Variants in UBE2V1 observed in about 807,000 individuals in gnomAD.
The protein encoded by UBE2V1 is ubiquitin conjugating enzyme E2 V1.
A neutral mutation model predicts 19.6 loss-of-function variants in UBE2V1; 15 were observed. The observed-to-expected ratio is 0.77, with a 90% CI of 0.51 to 1.18. UBE2V1 has a LOEUF of 1.18. UBE2V1 is among the 50% of genes most tolerant of loss of function. The pLI is 0.00. For missense variants in UBE2V1, 125 were observed against 184.8 expected (o/e 0.68, Z 1.88); for synonymous variants, 60 against 60.7 (o/e 0.99, Z 0.05).
upstream of UBE2V1, chr20:50,113,197 G>T: frequency 1.7e-6 from 2 of 1,207,746 alleles, no homozygotes; most frequent in Non-Finnish European, 1.1e-6. Context: ...CGGCCCTGAT[G>T]CGCAGGCGCG....
chr20:50,092,465 CG>C (rs1291930905), intron 2 of UBE2V1, among the ~76,000 whole-genome samples: 1 of 152,078 alleles, frequency 6.6e-6, no homozygotes, highest in Non-Finnish European at 1.5e-5. Context: ...GCAATGGAGA[CG>C]GGGGTACTGC....
chr20:50,111,272 A>AT (rs2080733997), intron 1 of UBE2V1: 1 of 986,562 alleles, frequency 1.0e-6, no homozygotes, highest in Admixed American at 6.1e-5. Flanking sequence ...CACCATAGCC[A>AT]TTTATGAAGC....
Position 50,082,857 on chromosome 20 carries a change from C to T in UBE2V1, c.355G>A (p.Val119Ile). ...AGGCGCCGAAGCTCTTGCAGGACAACTTTGATGCTATATGAATTCTGCCAT... is the reference window on the plus strand; with the variant it reads ...AGGCGCCGAAGCTCTTGCAGGACAATTTTGATGCTATATGAATTCTGCCAT... Reference protein sequence around the residue: ...AKWQNSYSIKVVLQELRRLMM... With the variant: ...AKWQNSYSIKIVLQELRRLMM... Residue 119 changes from valine to isoleucine, a missense_variant, in exon 4 of 4, where the codon GTT becomes ATT. Transcript: ENST00000371674. 1 of 1,612,988 alleles carries T rather than the reference C, an allele frequency of 6.2e-7. No individual in the cohort carries two copies. Among genetic ancestry groups the T allele is most frequent in the Non-Finnish European group, 8.5e-7 (1 of 1,179,858 alleles).
intron 1 of UBE2V1, among the ~76,000 whole-genome samples, chr20:50,106,877 A>AACAACAAC (rs1569017172): frequency 7.7e-5 from 6 of 77,758 alleles, no homozygotes; most frequent in African/African-American, 2.7e-4. Context: ...ACAACAACAA[A>AACAACAAC]AAAAAAAAAA....
rs11481618 is a variant in UBE2V1 at position 50,101,571 on chromosome 20, CAAAAA to C, written c.23-4756_23-4752del. On this transcript the variant is annotated intron_variant, in intron 1 of 3. Transcript: ENST00000371674. ...TAGAACTGGACTTCACATTTATAAG[CAAAAA>C]AAAAAAAAAAAAAAAAAAAATTTTA... 5.9e-4 allele frequency among the ~76,000 whole-genome samples: 42 copies of C among 71,184 alleles called. 1 individual carries two copies. Among genetic ancestry groups the C allele is most frequent in the Middle Eastern group, 8.2e-3 (1 of 122 alleles). 46.7% of individuals were successfully genotyped at this position (71,184 alleles called of 152,430 possible).
chr20:50,110,615 C>A lies in UBE2V1; in HGVS notation c.22+2492G>T, dbSNP rs6012838. Among the ~76,000 whole-genome samples, 166 of 152,334 alleles carry A rather than the reference C, an allele frequency of 1.1e-3. 1 individual carries two copies. Among genetic ancestry groups the A allele is most frequent in the African/African-American group, 3.7e-3 (152 of 41,570 alleles). ...CTCTTAGCACCCTGCACTCTTTTCA[C>A]TGCCTAGGGACGAAGGTCAGATCTT... On this transcript the variant is annotated intron_variant, in intron 1 of 3. Coordinates refer to ENST00000371674, the MANE Select transcript of UBE2V1 (RefSeq NM_001032288.3).
intron 1 of UBE2V1, among the ~76,000 whole-genome samples, chr20:50,102,136 C>T (rs954134632): frequency 9.9e-5 from 15 of 152,004 alleles, no homozygotes; most frequent in Admixed American, 5.2e-4. Flanking sequence ...ACACTGTGAC[C>T]GAACATGTGG....
Position 50,091,837 on chromosome 20 carries a change from A to G in UBE2V1, c.171+4835T>C, listed in dbSNP as rs1265566090. 2.6e-5 allele frequency among the ~76,000 whole-genome samples: 4 copies of G among 152,360 alleles called. 1 individual carries two copies. Among genetic ancestry groups the G allele is most frequent in the Admixed American group, 2.6e-4 (4 of 15,300 alleles). ...TAAAAAGATATATATTTACGTTTGCATACCCACAGCAAAAGTGGGTAGAAC... is the reference window on the plus strand; with the variant it reads ...TAAAAAGATATATATTTACGTTTGCGTACCCACAGCAAAAGTGGGTAGAAC... On this transcript the variant is annotated intron_variant, in intron 2 of 3. Coordinates refer to ENST00000371674, the MANE Select transcript of UBE2V1 (RefSeq NM_001032288.3).
intron 2 of UBE2V1, among the ~76,000 whole-genome samples, chr20:50,085,266 A>G (rs1403997752): frequency 1.3e-5 from 2 of 151,938 alleles, no homozygotes; most frequent in African/African-American, 4.8e-5. Flanking sequence ...TATGCCAATA[A>G]CCTCTTCACT....
chr20:50,102,988 C>T (rs1229670465), intron 1 of UBE2V1, among the ~76,000 whole-genome samples: 1 of 152,234 alleles, frequency 6.6e-6, no homozygotes, highest in Non-Finnish European at 1.5e-5. Context: ...CCCTTGTCCT[C>T]AACCAAGGGT....
Position 50,102,540 on chromosome 20 carries a change from G to T in UBE2V1, c.23-5720C>A, listed in dbSNP as rs555867354. Among the ~76,000 whole-genome samples the T allele has an allele frequency of 1.8e-4, 28 of 152,154 alleles. No individual in the cohort carries two copies. The South Asian group carries it at 5.6e-3, about 30-fold the overall frequency. The stretch of plus-strand genomic sequence containing the variant: ...GTAATGGATATATTACCTCCCACAT[G>T]CGCTACCATGCCTGACTAATTTTGT... On this transcript the variant is annotated intron_variant, in intron 1 of 3. Coordinates refer to ENST00000371674, the MANE Select transcript of UBE2V1 (RefSeq NM_001032288.3).
intron 1 of UBE2V1, among the ~76,000 whole-genome samples, chr20:50,106,557 G>A (rs929152664): frequency 1.3e-5 from 2 of 152,296 alleles, no homozygotes; most frequent in Middle Eastern, 3.4e-3. Flanking sequence ...CTGGCTGGGC[G>A]TGGTGGCTCA....
chr20:50,098,626 A>G (rs2079787010), intron 1 of UBE2V1, among the ~76,000 whole-genome samples: 1 of 152,196 alleles, frequency 6.6e-6, no homozygotes, highest in East Asian at 1.9e-4. Context: ...GGTCCAAGCA[A>G]CTGAAGGACA....
At chr20:50,094,900 C>A (rs1400312669) in intron 2 of UBE2V1, 1 of 152,180 alleles carries the variant, frequency 6.6e-6, no homozygotes, top group African/African-American at 2.4e-5. Context: ...AAAACAAATA[C>A]ATGGAGGACT....
At chr20:50,109,961 G>C (rs2080647448) in intron 1 of UBE2V1, among the ~76,000 whole-genome samples, 1 of 152,188 alleles carries the variant, frequency 6.6e-6, no homozygotes, top group African/African-American at 2.4e-5. Flanking sequence ...GGGACTGTGA[G>C]TTTTCATCCA....
In UBE2V1 at chr20:50,100,475, C is replaced by T. The variant is rs146595260; in HGVS notation, c.23-3655G>A. Among the ~76,000 whole-genome samples, 81 of 151,912 alleles carry T rather than the reference C, an allele frequency of 5.3e-4. No homozygotes were observed. The East Asian group carries it at 9.1e-3, about 17-fold the overall frequency. ...TGGTGTGCACCTGTAGTCCCAGCTA[C>T]TCGGGAGGCTGAGGCAGAAAAATTG... On this transcript the variant is annotated intron_variant, in intron 1 of 3. Coordinates refer to ENST00000371674, the MANE Select transcript of UBE2V1 (RefSeq NM_001032288.3).
chr20:50,083,581 T>G (rs930755812), intron 3 of UBE2V1, among the ~76,000 whole-genome samples: 2 of 152,322 alleles, frequency 1.3e-5, no homozygotes, highest in South Asian at 4.1e-4. Flanking sequence ...GATCTCCTCT[T>G]TGAACAGGAG....
intron 1 of UBE2V1, chr20:50,098,733 G>C (rs993784556): frequency 3.9e-5 from 7 of 181,118 alleles, no homozygotes; most frequent in African/African-American, 1.7e-4. Context: ...CTTATTTAGG[G>C]TAAGTAATAT....
chr20:50,085,875 C>T (rs769056529), intron 2 of UBE2V1, among the ~76,000 whole-genome samples: 1 of 152,122 alleles, frequency 6.6e-6, no homozygotes, highest in Admixed American at 6.6e-5. Flanking sequence ...TTCCCCTCTC[C>T]CTTACCCTCT....
Sources: gnomAD v4.1 joint callset for allele counts (sites outside exome capture counted in the v4.1 genomes callset) on GRCh38, gnomAD v4.1.1 for gene constraint, MANE v1.5 for transcripts, NCBI Gene and HGNC (gene_info 2026-07-23, HGNC 2026-07-21) for gene names.